Variants in AFF1 observed in about 807,000 individuals in gnomAD.
AFF1 encodes ALF transcription elongation factor 1, also known as AF4/FMR2 family member 1.
Under a neutral mutation model 121.7 loss-of-function variants are expected in AFF1, and 48 were observed. The observed-to-expected ratio is 0.39, with a 90% CI of 0.31 to 0.50. The LOEUF is 0.50. Ranked by LOEUF, AFF1 falls within the 20% of genes least tolerant of loss-of-function variation. AFF1 has a pLI of 0.76. For synonymous variants in AFF1, 613 were observed against 563.0 expected, an observed-to-expected ratio of 1.09 and a Z score of -1.26; for missense variants, 1,523 against 1,511.7, an observed-to-expected ratio of 1.01 and a Z score of -0.12.
chr4:87,070,670 G>A (rs1033241699), intron 4 of AFF1, among the ~76,000 whole-genome samples: 5 of 152,242 alleles, frequency 3.3e-5, no homozygotes, highest in African/African-American at 1.2e-4. Flanking sequence ...TTAAAAGATG[G>A]TGGGTGCTTC....
intron 2 of AFF1, among the ~76,000 whole-genome samples, chr4:87,035,419 G>A (rs1030711355): frequency 6.6e-6 from 1 of 152,128 alleles, no homozygotes; most frequent in Non-Finnish European, 1.5e-5. Context: ...AAATTAGCTG[G>A]GTGTGGTGGC....
intron 2 of AFF1, among the ~76,000 whole-genome samples, chr4:86,960,595 C>T (rs1025871549): frequency 3.9e-5 from 6 of 152,136 alleles, no homozygotes; most frequent in South Asian, 4.1e-4. Flanking sequence ...ATGATCAAAA[C>T]GTTTAACCAA....
intron 2 of AFF1, chr4:87,020,915 G>T (rs749391910): frequency 4.7e-6 from 4 of 846,906 alleles, no homozygotes; most frequent in Non-Finnish European, 5.7e-6. Context: ...TTCTTAAAAA[G>T]ATGTGTATCT....
chr4:86,993,171 T>G (rs1181201402), intron 2 of AFF1, among the ~76,000 whole-genome samples: 2 of 152,174 alleles, frequency 1.3e-5, no homozygotes, highest in Non-Finnish European at 2.9e-5. Context: ...AATCCATACC[T>G]CCAATTAGGT....
At chr4:87,043,777 T>A (rs150712073) in intron 2 of AFF1, among the ~76,000 whole-genome samples, 1 of 152,294 alleles carries the variant, frequency 6.6e-6, no homozygotes, top group African/African-American at 2.4e-5. Flanking sequence ...CTAGGAAAAG[T>A]TTTTGATACA....
At chr4:87,074,779 A>G (rs1172553205) in intron 4 of AFF1, among the ~76,000 whole-genome samples, 2 of 152,230 alleles carry the variant, frequency 1.3e-5, no homozygotes, top group Non-Finnish European at 2.9e-5. Flanking sequence ...ATGTGATCTC[A>G]GGATATATAA....
intron 4 of AFF1, among the ~76,000 whole-genome samples, chr4:87,048,838 A>C (rs1340945162): frequency 2.0e-5 from 3 of 152,170 alleles, no homozygotes; most frequent in Non-Finnish European, 4.4e-5. Context: ...GGCAGAAATG[A>C]CCAAGATGGC....
chr4:87,069,421 C>T (rs1310669055), intron 4 of AFF1, among the ~76,000 whole-genome samples: 2 of 150,100 alleles, frequency 1.3e-5, no homozygotes, highest in Non-Finnish European at 3.0e-5. Context: ...CCCTCCCTCC[C>T]TCTCCCCTTC....
intron 4 of AFF1, among the ~76,000 whole-genome samples, chr4:87,079,986 A>C (rs1257554091): frequency 6.6e-6 from 1 of 152,200 alleles, no homozygotes; most frequent in Non-Finnish European, 1.5e-5. Context: ...ATAATAACAT[A>C]GAAAGAGTTT....
chr4:86,974,901 T>A (rs1023782309), intron 2 of AFF1, among the ~76,000 whole-genome samples: 4 of 152,192 alleles, frequency 2.6e-5, no homozygotes, highest in African/African-American at 9.7e-5. Flanking sequence ...TTCCTTACCC[T>A]CTTTCATCTT....
intron 2 of AFF1, among the ~76,000 whole-genome samples, chr4:86,991,854 T>TTTTTTTTTTTTTTTTTTTTTA (rs371199846): frequency 1.3e-5 from 2 of 148,490 alleles, no homozygotes; most frequent in Admixed American, 6.7e-5. Context: ...TTTTTTTTTT[T>TTTTTTTTTTTTTTTTTTTTTA]ACATCCTTTT....
intron 4 of AFF1, 82 bp downstream of exon 4, chr4:87,047,676 T>A: frequency 6.3e-7 from 1 of 1,579,240 alleles, no homozygotes; most frequent in Non-Finnish European, 8.7e-7. Flanking sequence ...TGGGGCAAGG[T>A]GGGGAGGTTA....
At chr4:87,021,067 G>A (rs1468364487) in intron 2 of AFF1, among the ~76,000 whole-genome samples, 1 of 152,058 alleles carries the variant, frequency 6.6e-6, no homozygotes, top group Non-Finnish European at 1.5e-5. Flanking sequence ...CTTTGTATGC[G>A]TTTTAATATA....
chr4:87,094,872 A>C (rs1470969669), intron 7 of AFF1, 43 bp from the exon 8 acceptor site: 2 of 1,591,758 alleles, frequency 1.3e-6, no homozygotes, highest in Non-Finnish European at 1.7e-6. Context: ...GGATCTTGTA[A>C]ATATGTGTCA....
chr4:86,967,959 T>G (rs563725183), intron 2 of AFF1, among the ~76,000 whole-genome samples: 1 of 152,238 alleles, frequency 6.6e-6, no homozygotes, highest in South Asian at 2.1e-4. Context: ...ATGAGAGTGC[T>G]CAGGAACTTG....
chr4:87,006,141 A>G (rs1040417786), intron 2 of AFF1, among the ~76,000 whole-genome samples: 3 of 152,180 alleles, frequency 2.0e-5, no homozygotes, highest in African/African-American at 7.2e-5. Flanking sequence ...AATCTGGACT[A>G]TCTCTTTATG....
intron 2 of AFF1, among the ~76,000 whole-genome samples, chr4:87,023,330 G>A (rs984386356): frequency 6.6e-6 from 1 of 152,148 alleles, no homozygotes; most frequent in African/African-American, 2.4e-5. Flanking sequence ...TGGATTTGTG[G>A]TAACTGCCTT....
At chr4:87,031,439 G>T (rs1348072509) in intron 2 of AFF1, among the ~76,000 whole-genome samples, 2,670 of 140,736 alleles carry the variant, frequency 0.019, 31 homozygotes, top group Non-Finnish European at 0.032. Flanking sequence ...CTTAGCATAT[G>T]TTTTTTTTTT....
At chr4:87,118,320 T>TAAA (rs1452526341) in intron 12 of AFF1, among the ~76,000 whole-genome samples, 1 of 151,866 alleles carries the variant, frequency 6.6e-6, no homozygotes, top group African/African-American at 2.4e-5. Context: ...GTTTTTTTAC[T>TAAA]ACTCTACAAC....
Sources: allele counts gnomAD v4.1 joint callset (sites outside exome capture counted in the v4.1 genomes callset), GRCh38; gene constraint gnomAD v4.1.1; transcripts MANE v1.5; gene names NCBI Gene and HGNC (gene_info 2026-07-23, HGNC 2026-07-21).